Variants in EMILIN2 observed in about 807,000 individuals in gnomAD.
EMILIN2 encodes elastin microfibril interfacer 2, also known as EMILIN-2.
EMILIN2 carries 71 observed loss-of-function variants against 87.1 expected under a neutral mutation model. That is an observed-to-expected ratio of 0.82 (90% CI 0.67 to 0.99). The LOEUF is 0.99. Ranked by LOEUF, EMILIN2 falls within the 50% of genes least tolerant of loss-of-function variation. EMILIN2 has a pLI of 0.00. For synonymous variants in EMILIN2, 581 were observed against 563.4 expected (o/e 1.03, Z -0.44); for missense variants, 1,407 against 1,371.8 (o/e 1.03, Z -0.40).
At chr18:2,870,450 A>C (rs1324251601) in intron 2 of EMILIN2, among the ~76,000 whole-genome samples, 1 of 152,218 alleles carries the variant, frequency 6.6e-6, no homozygotes, top group African/African-American at 2.4e-5. Context: ...GCCCAGAACT[A>C]GTTTCTACAG....
In EMILIN2 at chr18:2,908,937, T is replaced by C. The variant is rs2076927646; in HGVS notation, c.2663-6T>C. 6.2e-7 allele frequency: 1 copy of C among 1,613,726 alleles called. No homozygotes were observed. The highest frequency in any genetic ancestry group is 8.5e-7 in the Non-Finnish European group (1 of 1,180,024). On this transcript the variant is annotated splice_polypyrimidine_tract_variant and splice_region_variant and intron_variant, in intron 5 of 7. Coordinates refer to ENST00000254528, the MANE Select transcript of EMILIN2 (RefSeq NM_032048.3). ...TTTGACATGCCATTTCCTTTCTGTT[T>C]TTCAGGATACCCGAAGTCACCTCCT...
chr18:2,861,692 C>A (rs1457210341), intron 2 of EMILIN2, among the ~76,000 whole-genome samples: 2 of 152,108 alleles, frequency 1.3e-5, no homozygotes, highest in Non-Finnish European at 2.9e-5. Flanking sequence ...GTTCTTTTGG[C>A]TTAGGATTGA....
chr18:2,853,360 A>T (rs2076610945), intron 2 of EMILIN2, among the ~76,000 whole-genome samples: 1 of 152,134 alleles, frequency 6.6e-6, no homozygotes, highest in African/African-American at 2.4e-5. Context: ...TGGTGGACGC[A>T]GCCTCTGAAT....
At chr18:2,876,625 G>T (rs1293861765) in intron 2 of EMILIN2, among the ~76,000 whole-genome samples, 1 of 127,120 alleles carries the variant, frequency 7.9e-6, no homozygotes, top group Non-Finnish European at 1.7e-5. Context: ...AATTAGCCGG[G>T]TGTGGTGGCG....
At chr18:2,899,081 T>TAAA (rs56048908) in intron 4 of EMILIN2, among the ~76,000 whole-genome samples, 1,682 of 151,800 alleles carry the variant, frequency 0.011, 34 homozygotes, top group African/African-American at 0.037. Flanking sequence ...CTGGGATCTT[T>TAAA]AAAAAAAACA....
Position 2,847,271 on chromosome 18 carries a change from G to A in EMILIN2, c.83G>A (p.Cys28Tyr). The change falls in exon 1 of 8, where the codon TGC (cysteine) becomes TAC (tyrosine). Residue 28 changes from cysteine to tyrosine, a missense_variant. Cys to Tyr is a radical substitution (Grantham distance 194). Transcript: ENST00000254528. The surrounding 1 kb of genome is among the most constrained non-coding windows in gnomAD (Gnocchi z 4.5). ...CTGGCCCTGGTTGGCGCGGGGCTGT[G>A]CCACGCCGGCCCGCAGCCCGGGTAT... ...ALLALVGAGLCHAGPQPGYPA... is the reference protein window; with the variant it reads ...ALLALVGAGLYHAGPQPGYPA... The A allele has an allele frequency of 7.6e-7, 1 of 1,317,768 alleles. No homozygotes were observed. The highest frequency in any genetic ancestry group is 9.6e-7 in the Non-Finnish European group (1 of 1,036,972). The allele number at this position is 1,317,768 out of a possible 1,614,324, so 81.6% of individuals were successfully genotyped here.
At chr18:2,911,323 T>C (rs145512602) in intron 7 of EMILIN2, among the ~76,000 whole-genome samples, 3 of 152,352 alleles carry the variant, frequency 2.0e-5, no homozygotes, top group African/African-American at 4.8e-5. Flanking sequence ...GAGTTGTGCA[T>C]GTGCCCACGT....
At chr18:2,893,830 G>A (rs1265768095) in intron 4 of EMILIN2, among the ~76,000 whole-genome samples, 1 of 152,164 alleles carries the variant, frequency 6.6e-6, no homozygotes, top group Admixed American at 6.5e-5. Flanking sequence ...GCTGTTCAGT[G>A]GGGGAGCCAG....
At chr18:2,900,952 T>C (rs552290036) in intron 4 of EMILIN2, among the ~76,000 whole-genome samples, 2 of 152,346 alleles carry the variant, frequency 1.3e-5, no homozygotes, top group Middle Eastern at 6.8e-3. Flanking sequence ...ACCTTCTGGA[T>C]GGCAGGGAGA....
chr18:2,892,768 C>T (rs2144042579), intron 4 of EMILIN2, among the ~76,000 whole-genome samples: 1 of 150,850 alleles, frequency 6.6e-6, no homozygotes, highest in East Asian at 1.9e-4. Context: ...AATAATTTGA[C>T]AGACTGGTTG....
At position 2,884,952 on chromosome 18, in the gene EMILIN2, T is replaced by A. The variant is rs1411536086; in HGVS notation, c.258-12T>A. 2.7e-5 allele frequency: 43 copies of A among 1,575,674 alleles called. No individual in the cohort carries two copies. Among genetic ancestry groups the A allele is most frequent in the Non-Finnish European group, 3.7e-5 (43 of 1,158,784 alleles). On this transcript the variant is annotated splice_polypyrimidine_tract_variant and intron_variant, in intron 2 of 7. Transcript: ENST00000254528. ...AGCCAGTAAAGAGAGATGCCATCCC[T>A]TCTGTCCACAGGTATCGAGTGAACT... is the stretch of plus-strand genomic sequence containing the variant.
intron 2 of EMILIN2, among the ~76,000 whole-genome samples, chr18:2,869,966 G>T (rs2076711563): frequency 1.3e-5 from 2 of 152,128 alleles, no homozygotes; most frequent in South Asian, 4.1e-4. Flanking sequence ...AATGGACTAG[G>T]CATGGTGGCT....
In EMILIN2 at chr18:2,915,539, G is replaced by C. The variant is rs1281294685; in HGVS notation, c.*2135G>C. The C allele has an allele frequency of 6.7e-6, 1 of 149,648 alleles. No homozygotes were observed. The highest frequency in any genetic ancestry group is 2.1e-4 in the South Asian group (1 of 4,714). 9.3% of individuals were successfully genotyped at this position (149,648 alleles called of 1,614,324 possible). ...AGTTCACAACTTTTTTTTTTTTTTG[G>C]GGGGAGACAGTCCTACTCTGTCGCC... On this transcript the variant is annotated 3_prime_UTR_variant, in exon 8 of 8. Coordinates refer to ENST00000254528, the MANE Select transcript of EMILIN2 (RefSeq NM_032048.3).
At chr18:2,869,786 T>TTGTGTGTGTGTGTG (rs777623155) in intron 2 of EMILIN2, among the ~76,000 whole-genome samples, 1,717 of 59,108 alleles carry the variant, frequency 0.029, 36 homozygotes, top group African/African-American at 0.096. Flanking sequence ...GTGTGTGTGT[T>TTGTGTGTGTGTGTG]TGTGTGTGTG....
At chr18:2,870,626 A>G (rs1007235542) in intron 2 of EMILIN2, among the ~76,000 whole-genome samples, 1 of 152,270 alleles carries the variant, frequency 6.6e-6, no homozygotes, top group Non-Finnish European at 1.5e-5. Flanking sequence ...ATTTCCAGCC[A>G]GGAGGAATCC....
intron 7 of EMILIN2, 133 bp downstream of exon 7, chr18:2,909,952 A>G: frequency 1.6e-6 from 2 of 1,251,276 alleles, no homozygotes; most frequent in Non-Finnish European, 2.2e-6. Flanking sequence ...CAGATGCCCG[A>G]GTGGGCCTGC....
intron 7 of EMILIN2, among the ~76,000 whole-genome samples, chr18:2,912,323 G>C (rs1439210677): frequency 1.3e-5 from 2 of 152,066 alleles, no homozygotes; most frequent in African/African-American, 4.8e-5. Flanking sequence ...TTACAGGCGT[G>C]AGCCACCACG....
rs766769129 is a variant in EMILIN2 at position 2,911,508 on chromosome 18, C to T, written c.2825-1559C>T. 2.0e-5 allele frequency among the ~76,000 whole-genome samples: 3 copies of T among 152,208 alleles called. No individual in the cohort carries two copies. The South Asian group carries it at 6.2e-4, about 31-fold the overall frequency. On this transcript the variant is annotated intron_variant, in intron 7 of 7. Transcript: ENST00000254528. Reference sequence around the variant, plus strand: ...CTTCAGGTTTTGTCTGACTATTGGGCGACTGCCTTTCTGTGGTGCTGGCTG... The same window carrying T: ...CTTCAGGTTTTGTCTGACTATTGGGTGACTGCCTTTCTGTGGTGCTGGCTG...
intron 7 of EMILIN2, among the ~76,000 whole-genome samples, chr18:2,911,937 TCA>T (rs1367170801): frequency 6.7e-6 from 1 of 149,704 alleles, no homozygotes; most frequent in African/African-American, 2.4e-5. Flanking sequence ...TGGAAAGCCC[TCA>T]GTTACTTGCT....
Sources: allele counts gnomAD v4.1 joint callset (sites outside exome capture counted in the v4.1 genomes callset), GRCh38; gene constraint gnomAD v4.1.1; non-coding constraint Gnocchi (gnomAD v3.1); transcripts MANE v1.5; gene names NCBI Gene and HGNC (gene_info 2026-07-23, HGNC 2026-07-21).